TMPRSS11F: variants seen among roughly 807,000 people sequenced by gnomAD.
The protein encoded by TMPRSS11F is transmembrane serine protease 11F, also known as transmembrane protease serine 11F.
A neutral mutation model predicts 60.2 loss-of-function variants in TMPRSS11F; 47 were observed. That is an observed-to-expected ratio of 0.78 (90% confidence interval 0.62 to 1.00). TMPRSS11F has a LOEUF of 1.00. TMPRSS11F is among the 50% of genes least tolerant of loss of function. TMPRSS11F has a pLI of 0.00. For missense variants in TMPRSS11F, 519 were observed against 522.9 expected (o/e 0.99, Z 0.07); for synonymous variants, 166 against 167.3 (o/e 0.99, Z 0.06).
chr4:68,114,990 TAAAAA>T (rs56946635), intron 1 of TMPRSS11F, among the ~76,000 whole-genome samples: 4 of 114,402 alleles, frequency 3.5e-5, no homozygotes, highest in African/African-American at 1.0e-4. Context: ...ATTCATTATT[TAAAAA>T]AAAAAAAAAA....
intron 3 of TMPRSS11F, among the ~76,000 whole-genome samples, chr4:68,085,376 C>T (rs1723791400): frequency 6.6e-6 from 1 of 151,934 alleles, no homozygotes; most frequent in South Asian, 2.1e-4. Flanking sequence ...TCCTATTTCT[C>T]CACATCCTCT....
chr4:68,073,730 T>C (rs1723527266), intron 4 of TMPRSS11F, among the ~76,000 whole-genome samples: 1 of 152,196 alleles, frequency 6.6e-6, no homozygotes, highest in Non-Finnish European at 1.5e-5. Context: ...TTGTTTCCTC[T>C]TTTTGTATCC....
chr4:68,110,600 G>A (rs547111397), intron 1 of TMPRSS11F, among the ~76,000 whole-genome samples: 1 of 152,272 alleles, frequency 6.6e-6, no homozygotes, highest in African/African-American at 2.4e-5. Context: ...TTGTAGGCAA[G>A]ATACTGAACC....
intron 1 of TMPRSS11F, among the ~76,000 whole-genome samples, chr4:68,119,867 C>T (rs954705484): frequency 6.6e-6 from 1 of 152,052 alleles, no homozygotes; most frequent in African/African-American, 2.4e-5. Flanking sequence ...TAAGGCTATA[C>T]CTCTCATAGT....
intron 1 of TMPRSS11F, among the ~76,000 whole-genome samples, chr4:68,108,041 G>C (rs951259421): frequency 6.6e-6 from 1 of 152,172 alleles, no homozygotes. Flanking sequence ...GGGCAGCAGC[G>C]AAGATGTGAA....
At chr4:68,077,996 A>C (rs1367786216) in intron 3 of TMPRSS11F, among the ~76,000 whole-genome samples, 2 of 152,078 alleles carry the variant, frequency 1.3e-5, no homozygotes, top group Admixed American at 1.3e-4. Flanking sequence ...TGGAAGACGG[A>C]AGCGGAGACA....
At chr4:68,105,768 A>G (rs1287853402) in intron 1 of TMPRSS11F, among the ~76,000 whole-genome samples, 1 of 152,162 alleles carries the variant, frequency 6.6e-6, no homozygotes, top group East Asian at 1.9e-4. Context: ...TTTGTTTAAA[A>G]TGTATAAAAA....
chr4:68,079,388 A>G (rs1421071318), intron 3 of TMPRSS11F, among the ~76,000 whole-genome samples: 2 of 152,132 alleles, frequency 1.3e-5, no homozygotes, highest in East Asian at 3.9e-4. Flanking sequence ...AGTTGGTGGG[A>G]GACAGGCAGG....
At chr4:68,099,856 C>T (rs887847883) in intron 1 of TMPRSS11F, among the ~76,000 whole-genome samples, 1 of 152,060 alleles carries the variant, frequency 6.6e-6, no homozygotes, top group Non-Finnish European at 1.5e-5. Flanking sequence ...AACTCTTTGT[C>T]TTTGGGATGC....
At chr4:68,089,040 AG>A (rs1186394383) in intron 3 of TMPRSS11F, among the ~76,000 whole-genome samples, 1 of 152,008 alleles carries the variant, frequency 6.6e-6, no homozygotes, top group Non-Finnish European at 1.5e-5. Flanking sequence ...TTACAGAATT[AG>A]AAAAAAAAAA....
chr4:68,129,555 GTTAAC>G (rs961223165), intron 1 of TMPRSS11F, among the ~76,000 whole-genome samples: 3 of 151,990 alleles, frequency 2.0e-5, no homozygotes, highest in Non-Finnish European at 4.4e-5. Flanking sequence ...TATTAATATA[GTTAAC>G]TTATTACCTC....
intron 3 of TMPRSS11F, among the ~76,000 whole-genome samples, chr4:68,079,110 A>C (rs1179996942): frequency 8.5e-6 from 1 of 118,156 alleles, no homozygotes; most frequent in East Asian, 2.4e-4. Context: ...AAAAGCTTAC[A>C]AGTATTAATT....
intron 3 of TMPRSS11F, among the ~76,000 whole-genome samples, chr4:68,083,770 G>C (rs1283773929): frequency 6.6e-6 from 1 of 152,174 alleles, no homozygotes; most frequent in Non-Finnish European, 1.5e-5. Flanking sequence ...AATTCAAAAA[G>C]TCAGACTGTC....
intron 1 of TMPRSS11F, among the ~76,000 whole-genome samples, chr4:68,104,286 A>G (rs564902139): frequency 6.6e-6 from 1 of 152,130 alleles, no homozygotes; most frequent in East Asian, 1.9e-4. Context: ...CATAAATGGC[A>G]TTTATTGGGT....
intron 5 of TMPRSS11F, 95 bp downstream of exon 5, chr4:68,072,228 A>ATATATATATATATATATATATATATATAT (rs1491207172): frequency 1.2e-5 from 1 of 86,584 alleles, no homozygotes; most frequent in African/African-American, 4.9e-5. Context: ...TTCCAAAAAA[A>ATATATATATATATATATATATATATATAT]AAATATATAT....
intron 1 of TMPRSS11F, among the ~76,000 whole-genome samples, chr4:68,120,610 G>A (rs566233219): frequency 2.0e-5 from 3 of 151,844 alleles, no homozygotes; most frequent in South Asian, 2.1e-4. Context: ...GGATGGTCTC[G>A]ATCTCCTGAC....
rs981820870 is a variant in TMPRSS11F, at chr4:68,120,599, G to A, written c.11+9211C>T. On this transcript the variant is annotated intron_variant, in intron 1 of 9. Coordinates refer to ENST00000356291, the MANE Select transcript of TMPRSS11F (RefSeq NM_207407.2). ...GAGACGGGGTTTCACCGTTTTAGCC[G>A]GGATGGTCTCGATCTCCTGACCTCG... 4.0e-5 allele frequency among the ~76,000 whole-genome samples: 6 copies of A among 151,150 alleles called. No individual in the cohort carries two copies. The East Asian group carries it at 5.8e-4, about 15-fold the overall frequency.
At chr4:68,084,640 T>C (rs1723771258) in intron 3 of TMPRSS11F, among the ~76,000 whole-genome samples, 1 of 152,190 alleles carries the variant, frequency 6.6e-6, no homozygotes, top group Non-Finnish European at 1.5e-5. Context: ...CTATCGGCCT[T>C]ACAAGAGGTC....
intron 1 of TMPRSS11F, among the ~76,000 whole-genome samples, chr4:68,123,404 A>C (rs983868699): frequency 3.3e-5 from 5 of 152,204 alleles, no homozygotes; most frequent in Non-Finnish European, 7.4e-5. Context: ...ACTGAAAAAG[A>C]TTCTGCTCAT....
Sources: allele counts gnomAD v4.1 joint callset (sites outside exome capture counted in the v4.1 genomes callset), GRCh38; gene constraint gnomAD v4.1.1; transcripts MANE v1.5; gene names NCBI Gene and HGNC (gene_info 2026-07-23, HGNC 2026-07-21).